Variants in WDPCP observed in about 807,000 individuals in gnomAD.
WDPCP encodes WD repeat containing planar cell polarity effector, also known as WD repeat-containing and planar cell polarity effector protein fritz homolog.
WDPCP carries 71 observed loss-of-function variants against 93.1 expected under a neutral mutation model. The observed-to-expected ratio is 0.76, with a 90% CI of 0.63 to 0.93. The LOEUF (loss-of-function observed/expected upper bound fraction) is 0.93. WDPCP is among the 40% of genes least tolerant of loss of function. WDPCP has a pLI of 0.00. For missense variants in WDPCP, 844 were observed against 887.4 expected (o/e 0.95, Z 0.62); for synonymous variants, 315 against 315.0 (o/e 1.00, Z 0.00).
At chr2:63,468,302 T>G (rs1396909055) in intron 6 of WDPCP, among the ~76,000 whole-genome samples, 1 of 152,192 alleles carries the variant, frequency 6.6e-6, no homozygotes, top group African/African-American at 2.4e-5. Flanking sequence ...AGTACTATCT[T>G]GCCATCTGCT....
chr2:63,551,750 G>A (rs1575630339), intron 1 of WDPCP, among the ~76,000 whole-genome samples: 1 of 151,988 alleles, frequency 6.6e-6, no homozygotes, highest in African/African-American at 2.4e-5. Context: ...GCAAAATGCT[G>A]GCATAATGCT....
intron 13 of WDPCP, among the ~76,000 whole-genome samples, chr2:63,270,532 T>C (rs1032416404): frequency 6.6e-6 from 1 of 152,160 alleles, no homozygotes. Flanking sequence ...ACTCACCACC[T>C]CCACAAAGAA....
intron 2 of WDPCP, among the ~76,000 whole-genome samples, chr2:63,722,186 G>A (rs1191475054): frequency 6.6e-6 from 1 of 151,466 alleles, no homozygotes; most frequent in African/African-American, 2.4e-5. Flanking sequence ...CTGCCTGGCC[G>A]CCCATCATCT....
chr2:63,663,055 C>T (rs1710244872), intron 2 of WDPCP, among the ~76,000 whole-genome samples: 2 of 152,206 alleles, frequency 1.3e-5, no homozygotes, highest in East Asian at 1.9e-4. Context: ...TTATGTCATA[C>T]CTGCTTCCAT....
intron 1 of WDPCP, among the ~76,000 whole-genome samples, chr2:63,526,578 T>C (rs1389436383): frequency 6.6e-6 from 1 of 152,216 alleles, no homozygotes; most frequent in Non-Finnish European, 1.5e-5. Context: ...CTGACTATCC[T>C]CCAGAAACCT....
intron 3 of WDPCP, among the ~76,000 whole-genome samples, chr2:63,601,537 G>C (rs1214257841): frequency 6.6e-6 from 1 of 152,196 alleles, no homozygotes; most frequent in African/African-American, 2.4e-5. Context: ...GAGTGTCTAA[G>C]GGAGCAAAGA....
intron 1 of WDPCP, among the ~76,000 whole-genome samples, chr2:63,575,479 G>GTGTGTGCAC (rs1553438556): frequency 4.0e-4 from 1 of 2,526 alleles, no homozygotes; most frequent in Non-Finnish European, 8.1e-4. Context: ...AGTATATACA[G>GTGTGTGCAC]TGTATATATA....
chr2:63,181,841 A>C (rs1248827319), intron 14 of WDPCP, among the ~76,000 whole-genome samples: 2 of 151,774 alleles, frequency 1.3e-5, no homozygotes, highest in Admixed American at 6.6e-5. Flanking sequence ...CATTTGTGTC[A>C]TGTATGATTT....
chr2:63,549,535 G>A (rs1044554354), intron 1 of WDPCP, among the ~76,000 whole-genome samples: 10 of 152,172 alleles, frequency 6.6e-5, no homozygotes, highest in Admixed American at 4.6e-4. Flanking sequence ...TTGGGAGGCC[G>A]AGGCGGGTGG....
chr2:63,183,880 C>T (rs1559182160), intron 14 of WDPCP, among the ~76,000 whole-genome samples: 1 of 151,950 alleles, frequency 6.6e-6, no homozygotes, highest in South Asian at 2.1e-4. Context: ...TAATGACTGA[C>T]TTTGTCTTTT....
At position 63,549,834 on chromosome 2, in the gene WDPCP, C is replaced by T. The variant is rs567867514; in HGVS notation, c.75+38363G>A. Reference sequence around the variant, plus strand: ...GGAATTAGGAAGACGGACATAAGAACACACCCACATCAGTGGCTACTTCCA... The same window carrying T: ...GGAATTAGGAAGACGGACATAAGAATACACCCACATCAGTGGCTACTTCCA... On this transcript the variant is annotated intron_variant, in intron 1 of 17. Transcript: ENST00000272321. Among the ~76,000 whole-genome samples the T allele has an allele frequency of 1.6e-3, 245 of 152,246 alleles. 1 individual carries two copies. Among genetic ancestry groups the T allele is most frequent in the Non-Finnish European group, 2.9e-3 (197 of 68,014 alleles).
chr2:63,542,728 A>T (rs1704837378), intron 1 of WDPCP, among the ~76,000 whole-genome samples: 1 of 152,102 alleles, frequency 6.6e-6, no homozygotes, highest in South Asian at 2.1e-4. Flanking sequence ...ATATATCATC[A>T]AACAAACCAT....
intron 2 of WDPCP, among the ~76,000 whole-genome samples, chr2:63,783,193 C>T (rs1012634450): frequency 1.6e-4 from 24 of 151,832 alleles, no homozygotes; most frequent in African/African-American, 5.1e-4. Flanking sequence ...AGGAAAATCA[C>T]GTGAGGCCAG....
intron 6 of WDPCP, among the ~76,000 whole-genome samples, chr2:63,455,549 T>C (rs550265610): frequency 6.6e-6 from 1 of 151,758 alleles, no homozygotes; most frequent in East Asian, 1.9e-4. Flanking sequence ...AAACAGACTT[T>C]AACTCAAAAA....
chr2:63,248,013 C>T (rs1680423835), intron 14 of WDPCP, among the ~76,000 whole-genome samples: 2 of 151,974 alleles, frequency 1.3e-5, no homozygotes, highest in African/African-American at 4.8e-5. Flanking sequence ...TCAAGTTAAC[C>T]TCAAGTGTAT....
chr2:63,722,992 C>G (rs972745036), intron 2 of WDPCP, among the ~76,000 whole-genome samples: 4 of 152,278 alleles, frequency 2.6e-5, no homozygotes, highest in Admixed American at 6.5e-5. Context: ...TACCCCCAAC[C>G]CTGTGCTCTC....
rs116281123 is a variant in WDPCP at position 63,757,658 on chromosome 2, T to C, written n.308+55964A>G. 4.1e-3 allele frequency among the ~76,000 whole-genome samples: 631 copies of C among 152,320 alleles called. 4 individuals are homozygous for C. The highest frequency in any genetic ancestry group is 0.014 in the African/African-American group (591 of 41,558). On this transcript the variant is annotated intron_variant and non_coding_transcript_variant, in intron 2 of 4. Transcript: ENST00000467687. ...GCTATTCTAAATATTCTAGTTCTTC[T>C]GGGGATATGATGGGACTGTACTTTC...
chr2:63,648,026 A>G (rs1710072111), intron 3 of WDPCP, among the ~76,000 whole-genome samples: 1 of 152,148 alleles, frequency 6.6e-6, no homozygotes, highest in African/African-American at 2.4e-5. Flanking sequence ...AACCTCCCTT[A>G]CAGGTGCCCC....
At chr2:63,803,015 T>C (rs1423681211) in intron 2 of WDPCP, among the ~76,000 whole-genome samples, 1 of 152,188 alleles carries the variant, frequency 6.6e-6, no homozygotes, top group Non-Finnish European at 1.5e-5. Context: ...ATAGCATTTC[T>C]AGAGACCCTG....
Sources: gnomAD v4.1 joint callset for allele counts (sites outside exome capture counted in the v4.1 genomes callset) on GRCh38, gnomAD v4.1.1 for gene constraint, MANE v1.5 for transcripts, NCBI Gene and HGNC (gene_info 2026-07-23, HGNC 2026-07-21) for gene names.